The following SHISA9 variants were observed in gnomAD, a reference collection of about 807,000 sequenced individuals.
SHISA9 encodes protein shisa-9.
A neutral mutation model predicts 38.0 loss-of-function variants in SHISA9; 13 were observed. The observed-to-expected ratio is 0.34, with a 90% confidence interval of 0.22 to 0.54. The LOEUF is 0.54. Ranked by LOEUF, SHISA9 falls within the 20% of genes least tolerant of loss-of-function variation. SHISA9 has a pLI of 0.91. For synonymous variants in SHISA9, 275 were observed against 242.0 expected, an observed-to-expected ratio of 1.14 and a Z score of -1.27; for missense variants, 538 against 575.8, an observed-to-expected ratio of 0.93 and a Z score of 0.67.
chr16:13,174,108 G>C (rs1387954175), intron 2 of SHISA9, among the ~76,000 whole-genome samples: 1 of 152,048 alleles, frequency 6.6e-6, no homozygotes, highest in Non-Finnish European at 1.5e-5. Flanking sequence ...TGATCTCCAA[G>C]GTCTTTACTA....
intron 2 of SHISA9, among the ~76,000 whole-genome samples, chr16:13,007,123 C>T (rs2141847961): frequency 6.6e-6 from 1 of 152,304 alleles, no homozygotes; most frequent in Admixed American, 6.5e-5. Flanking sequence ...ACGTACAACA[C>T]AGACTAACTC....
chr16:13,298,724 C>T, the SHISA9 span, among the ~76,000 whole-genome samples: 43,156 of 152,070 alleles, frequency 0.28, 7,027 homozygotes, highest in Admixed American at 0.43. Context: ...CTTCATCTGG[C>T]GAAACCCTGA....
chr16:13,453,116 C>T, the SHISA9 span, among the ~76,000 whole-genome samples: 1 of 152,014 alleles, frequency 6.6e-6, no homozygotes, highest in Non-Finnish European at 1.5e-5. Flanking sequence ...TCTCGAACTC[C>T]TGACCTTGTG....
At chr16:12,994,072 G>A (rs2072425334) in intron 2 of SHISA9, among the ~76,000 whole-genome samples, 1 of 152,174 alleles carries the variant, frequency 6.6e-6, no homozygotes, top group Non-Finnish European at 1.5e-5. Context: ...GCTTGTGTAA[G>A]GTTTTACAGA....
the SHISA9 span, among the ~76,000 whole-genome samples, chr16:13,469,681 C>G: frequency 6.6e-6 from 1 of 152,310 alleles, no homozygotes; most frequent in East Asian, 1.9e-4. Context: ...ACCTGTGCAT[C>G]CAGAACATCT....
the SHISA9 span, among the ~76,000 whole-genome samples, chr16:13,323,284 GCAGT>G: frequency 6.6e-6 from 1 of 152,176 alleles, no homozygotes; most frequent in African/African-American, 2.4e-5. Context: ...CTCATGGCCA[GCAGT>G]CAGAGTGCAA....
At chr16:13,550,492 A>G in the SHISA9 span, among the ~76,000 whole-genome samples, 1 of 152,294 alleles carries the variant, frequency 6.6e-6, no homozygotes, top group East Asian at 1.9e-4. Context: ...TCTTAACCAT[A>G]GATCAGCAAA....
intron 1 of SHISA9, among the ~76,000 whole-genome samples, chr16:12,904,492 C>A (rs74014740): frequency 6.6e-6 from 1 of 152,236 alleles, no homozygotes; most frequent in African/African-American, 2.4e-5. Flanking sequence ...TACCCAAGGG[C>A]CCAACTTCCT....
Position 13,037,115 on chromosome 16 carries a change from C to G in SHISA9, c.691+120300C>G, listed in dbSNP as rs868345894. 1.0e-2 allele frequency among the ~76,000 whole-genome samples: 1,110 copies of G among 111,352 alleles called. 35 individuals are homozygous for G. Among genetic ancestry groups the G allele is most frequent in the African/African-American group, 0.036 (1,003 of 27,882 alleles). 73.1% of individuals were successfully genotyped at this position (111,352 alleles called of 152,430 possible). On this transcript the variant is annotated intron_variant, in intron 2 of 4. Transcript: ENST00000558583. Reference sequence around the variant, plus strand: ...ACACACACACACACACACAGACACACACACACACACACACACACACACACA... The same window carrying G: ...ACACACACACACACACACAGACACAGACACACACACACACACACACACACA...
At chr16:13,226,758 T>C (rs996950646) in intron 4 of SHISA9, among the ~76,000 whole-genome samples, 2 of 152,222 alleles carry the variant, frequency 1.3e-5, no homozygotes, top group Admixed American at 6.5e-5. Context: ...TCACTGAACA[T>C]ACTGCAGTTA....
the SHISA9 span, among the ~76,000 whole-genome samples, chr16:13,346,877 G>A: frequency 5.9e-5 from 9 of 152,088 alleles, no homozygotes; most frequent in African/African-American, 1.4e-4. Flanking sequence ...TGGTGCTTGC[G>A]TGTGCATGTT....
At chr16:13,438,357 T>A in the SHISA9 span, among the ~76,000 whole-genome samples, 1 of 152,132 alleles carries the variant, frequency 6.6e-6, no homozygotes, top group East Asian at 1.9e-4. Flanking sequence ...CCAATACCCA[T>A]CATTGTGGCG....
At chr16:13,430,349 T>C in the SHISA9 span, among the ~76,000 whole-genome samples, 1 of 152,164 alleles carries the variant, frequency 6.6e-6, no homozygotes, top group African/African-American at 2.4e-5. Context: ...CCATGTAACT[T>C]GATTCTTATG....
intron 4 of SHISA9, among the ~76,000 whole-genome samples, chr16:13,232,955 T>C (rs2051346442): frequency 6.6e-6 from 1 of 152,210 alleles, no homozygotes; most frequent in Non-Finnish European, 1.5e-5. Flanking sequence ...AGAAAAAATC[T>C]AGCTATGTTA....
intron 2 of SHISA9, among the ~76,000 whole-genome samples, chr16:12,972,034 T>C (rs556015084): frequency 2.9e-5 from 4 of 137,162 alleles, no homozygotes; most frequent in African/African-American, 1.1e-4. Flanking sequence ...CTCTGCTCTC[T>C]TGGAGTTTGT....
At chr16:13,177,434 C>G (rs1233918343) in intron 2 of SHISA9, among the ~76,000 whole-genome samples, 2 of 152,134 alleles carry the variant, frequency 1.3e-5, no homozygotes, top group Admixed American at 6.5e-5. Flanking sequence ...AGTATTGCCA[C>G]TGTATACAAA....
At chr16:13,393,990 A>T in the SHISA9 span, among the ~76,000 whole-genome samples, 2 of 152,180 alleles carry the variant, frequency 1.3e-5, no homozygotes, top group Non-Finnish European at 2.9e-5. Flanking sequence ...GTCACGTCCC[A>T]CTGTGGGCAA....
chr16:13,249,959 C>G, the SHISA9 span, among the ~76,000 whole-genome samples: 1 of 152,128 alleles, frequency 6.6e-6, no homozygotes, highest in African/African-American at 2.4e-5. Flanking sequence ...GTCTTGAACT[C>G]CTAGGCTCAA....
chr16:13,267,490 T>A, the SHISA9 span, among the ~76,000 whole-genome samples: 22 of 152,198 alleles, frequency 1.4e-4, no homozygotes, highest in Admixed American at 2.6e-4. Flanking sequence ...TGGCAATGTA[T>A]ATCAACAGCC....
Sources: allele counts gnomAD v4.1 joint callset (sites outside exome capture counted in the v4.1 genomes callset), GRCh38; gene constraint gnomAD v4.1.1; transcripts MANE v1.5; gene names NCBI Gene and HGNC (gene_info 2026-07-23, HGNC 2026-07-21).